The following EVI5 variants were observed in gnomAD, a reference collection of about 807,000 sequenced individuals.
EVI5 encodes the protein ecotropic viral integration site 5.
A neutral mutation model predicts 112.0 loss-of-function variants in EVI5; 73 were observed. That is an observed-to-expected ratio of 0.65 (90% CI 0.54 to 0.79). EVI5 has a LOEUF of 0.79. Among genes scored for constraint, EVI5 ranks in the 30% least tolerant of loss-of-function variants. The probability of loss-of-function intolerance (pLI) is 0.00; values close to 1 mark genes in which losing one functional copy is unlikely to be tolerated. For synonymous variants in EVI5, 305 were observed against 319.9 expected (o/e 0.95, Z 0.50); for missense variants, 900 against 968.8 (o/e 0.93, Z 0.94).
In EVI5 at chr1:92,510,689, C is replaced by G. The variant is rs200058783; in HGVS notation, c.*2967G>C. On this transcript the variant is annotated 3_prime_UTR_variant, in exon 20 of 20. Transcript: ENST00000684568. ...TCAACTCTGCTACTGTAGCACAAAGCGGCCATACACAATATTTAAAAGGGT... is the reference window on the plus strand; with the variant it reads ...TCAACTCTGCTACTGTAGCACAAAGGGGCCATACACAATATTTAAAAGGGT... 2 of 152,158 alleles carry G rather than the reference C, an allele frequency of 1.3e-5. No homozygotes were observed. Among genetic ancestry groups the G allele is most frequent in the Non-Finnish European group, 2.9e-5 (2 of 68,028 alleles). 9.4% of individuals were successfully genotyped at this position (152,158 alleles called of 1,614,324 possible). A position where few individuals can be genotyped will look rare whatever the true frequency, so the allele number is the denominator to read the frequency against.
chr1:92,525,166 G>A (rs990198951), intron 19 of EVI5, among the ~76,000 whole-genome samples: 10 of 151,938 alleles, frequency 6.6e-5, no homozygotes, highest in African/African-American at 2.4e-4. Context: ...ACAGCCATAG[G>A]AGAGACACAT....
intron 13 of EVI5, among the ~76,000 whole-genome samples, chr1:92,654,613 T>G (rs1662704195): frequency 6.6e-6 from 1 of 152,146 alleles, no homozygotes; most frequent in Non-Finnish European, 1.5e-5. Context: ...ATTCTGGAAG[T>G]ATAAAGACAG....
At chr1:92,684,730 A>C (rs1668213324) in intron 9 of EVI5, among the ~76,000 whole-genome samples, 1 of 146,440 alleles carries the variant, frequency 6.8e-6, no homozygotes, top group Non-Finnish European at 1.5e-5. Flanking sequence ...ATTGGAAAGC[A>C]AAAAAAAAAG....
chr1:92,771,608 CT>C (rs10541210), intron 1 of EVI5, among the ~76,000 whole-genome samples: 1 of 139,910 alleles, frequency 7.1e-6, no homozygotes, highest in Non-Finnish European at 1.6e-5. Context: ...ATTTTCTTTT[CT>C]TTTTTTTTTT....
chr1:92,690,546 C>T (rs1044059109), intron 9 of EVI5, among the ~76,000 whole-genome samples: 1 of 151,752 alleles, frequency 6.6e-6, no homozygotes, highest in Non-Finnish European at 1.5e-5. Context: ...GTCAGGATTT[C>T]ACCACGTTGC....
At chr1:92,768,109 C>A (rs1682909916) in intron 1 of EVI5, among the ~76,000 whole-genome samples, 1 of 141,780 alleles carries the variant, frequency 7.1e-6, no homozygotes, top group South Asian at 2.3e-4. Flanking sequence ...CTCATATAAG[C>A]AAATTTTTTA....
chr1:92,611,058 T>C (rs560500627), intron 16 of EVI5, among the ~76,000 whole-genome samples: 1 of 150,964 alleles, frequency 6.6e-6, no homozygotes, highest in Admixed American at 6.6e-5. Context: ...GTAACTAACC[T>C]GCACAATGTG....
At chr1:92,555,287 T>C (rs773796030) in intron 19 of EVI5, among the ~76,000 whole-genome samples, 22 of 152,184 alleles carry the variant, frequency 1.4e-4, no homozygotes, top group African/African-American at 1.9e-4. Flanking sequence ...CTTTCTATTA[T>C]AAAAATATTC....
At chr1:92,536,937 A>G (rs1377006413) in intron 19 of EVI5, among the ~76,000 whole-genome samples, 1 of 152,190 alleles carries the variant, frequency 6.6e-6, no homozygotes, top group East Asian at 1.9e-4. Context: ...TAATAATACA[A>G]TCTTATAATT....
intron 18 of EVI5, among the ~76,000 whole-genome samples, chr1:92,578,459 T>C (rs761367810): frequency 6.6e-6 from 1 of 152,142 alleles, no homozygotes; most frequent in Non-Finnish European, 1.5e-5. Flanking sequence ...CGGGCGCCTG[T>C]AATCTCAGCA....
chr1:92,607,764 A>G, intron 16 of EVI5, 37 bp from the exon 17 acceptor site: 1 of 1,463,188 alleles, frequency 6.8e-7, no homozygotes, highest in South Asian at 1.3e-5. Flanking sequence ...GACTATAGAT[A>G]CAAGACCTAA....
At chr1:92,527,338 C>T (rs1378433654) in intron 19 of EVI5, among the ~76,000 whole-genome samples, 1 of 144,464 alleles carries the variant, frequency 6.9e-6, no homozygotes, top group Non-Finnish European at 1.5e-5. Context: ...TCGGTTGAAC[C>T]TGGGAGGTGG....
intron 16 of EVI5, among the ~76,000 whole-genome samples, chr1:92,623,714 G>A (rs1655054979): frequency 6.6e-6 from 1 of 152,224 alleles, no homozygotes; most frequent in South Asian, 2.1e-4. Context: ...TTGGCAATGT[G>A]TGCAGAAACA....
intron 19 of EVI5, 22 bp from the exon 20 acceptor site, chr1:92,513,992 T>A: frequency 6.8e-7 from 1 of 1,462,404 alleles, no homozygotes; most frequent in Non-Finnish European, 9.2e-7. Flanking sequence ...AAATCCAAGT[T>A]AATACAGTCA....
At chr1:92,732,311 C>A in intron 2 of EVI5, 1 of 396,856 alleles carries the variant, frequency 2.5e-6, no homozygotes, top group Non-Finnish European at 5.0e-6. Context: ...ACTGGAAATC[C>A]CAAAGCCTTA....
Position 92,605,394 on chromosome 1 carries a change from T to C in EVI5, c.1983A>G (p.Glu661=), listed in dbSNP as rs763647346. ...CCCGAAGCCTCACAGCCATCACTTCTTCCTTATTCTAGTGTGGTAAACCAA... is the reference window on the plus strand; with the variant it reads ...CCCGAAGCCTCACAGCCATCACTTCCTCCTTATTCTAGTGTGGTAAACCAA... The part of the protein sequence containing the change: ...KQAEIECKNK[E]EVMAVRLREA... The change falls in exon 18 of 20, where the codon GAA becomes GAG. Residue 661 remains glutamate, a synonymous_variant. Transcript: ENST00000684568. The C allele has an allele frequency of 4.3e-6, 7 of 1,609,998 alleles. No homozygotes were observed. In the East Asian group the frequency reaches 1.6e-4, roughly 36 times the overall value.
At chr1:92,557,774 G>C (rs1220130493) in intron 19 of EVI5, among the ~76,000 whole-genome samples, 1 of 151,784 alleles carries the variant, frequency 6.6e-6, no homozygotes, top group East Asian at 1.9e-4. Context: ...GCCCAGGCTG[G>C]GGTGCAGTGG....
chr1:92,657,735 G>A (rs1558010377), intron 13 of EVI5, among the ~76,000 whole-genome samples: 1 of 152,122 alleles, frequency 6.6e-6, no homozygotes. Context: ...CTGAGGCTGG[G>A]TAATTTATAA....
rs1030044259 is a variant in EVI5 at position 92,539,305 on chromosome 1, G to A, written c.2166+24337C>T. Among the ~76,000 whole-genome samples the A allele has an allele frequency of 2.0e-5, 3 of 152,116 alleles. No homozygotes were observed. The East Asian group carries it at 5.8e-4, about 29-fold the overall frequency. The stretch of plus-strand genomic sequence containing the variant: ...CGCCTATAATCCCAACACTTTGGGA[G>A]GCCGAGGCGGGCGGATCACGAGGTC... On this transcript the variant is annotated intron_variant, in intron 19 of 19. Transcript: ENST00000684568.
Sources: gnomAD v4.1 joint callset for allele counts (sites outside exome capture counted in the v4.1 genomes callset) on GRCh38, gnomAD v4.1.1 for gene constraint, MANE v1.5 for transcripts, NCBI Gene and HGNC (gene_info 2026-07-23, HGNC 2026-07-21) for gene names.